Variants in CEP112 observed in about 807,000 individuals in gnomAD.
CEP112 encodes the protein centrosomal protein of 112 kDa.
CEP112 carries 127 observed loss-of-function variants against 153.0 expected under a neutral mutation model. The ratio of observed to expected loss-of-function variants is 0.83; its 90% CI spans 0.72 to 0.96. The LOEUF (loss-of-function observed/expected upper bound fraction) is 0.96. CEP112 is among the 40% of genes least tolerant of loss of function. The probability of loss-of-function intolerance (pLI) is 0.00; values close to 1 mark genes in which losing one functional copy is unlikely to be tolerated. For missense variants in CEP112, 1,089 were observed against 1,101.2 expected (o/e 0.99, Z 0.16); for synonymous variants, 358 against 374.4 (o/e 0.96, Z 0.51).
chr17:66,072,313 C>A (rs915806483), intron 8 of CEP112, among the ~76,000 whole-genome samples: 1 of 152,112 alleles, frequency 6.6e-6, no homozygotes, highest in South Asian at 2.1e-4. Context: ...TTATCTACTG[C>A]ACAGTTTATA....
At chr17:65,708,037 G>A (rs1407859419) in intron 23 of CEP112, among the ~76,000 whole-genome samples, 2 of 152,158 alleles carry the variant, frequency 1.3e-5, no homozygotes, top group African/African-American at 4.8e-5. Flanking sequence ...AATGAATCAT[G>A]CCTGTAACTA....
intron 6 of CEP112, among the ~76,000 whole-genome samples, chr17:66,101,151 A>G (rs2068553454): frequency 6.6e-6 from 1 of 152,134 alleles, no homozygotes; most frequent in Non-Finnish European, 1.5e-5. Context: ...ACCCTCAGTC[A>G]AAAAGATTAG....
chr17:66,187,151 TTGAACTACTGTGGCA>T (rs2072968327), intron 1 of CEP112, among the ~76,000 whole-genome samples: 1 of 150,960 alleles, frequency 6.6e-6, no homozygotes, highest in Non-Finnish European at 1.5e-5. Context: ...ACCACTTAAC[TTGAACTACTGTGGCA>T]GCCTCATCAT....
At chr17:66,114,238 A>G (rs1221226075) in intron 6 of CEP112, among the ~76,000 whole-genome samples, 1 of 152,198 alleles carries the variant, frequency 6.6e-6, no homozygotes, top group Non-Finnish European at 1.5e-5. Flanking sequence ...ACATCTGAAT[A>G]CTTTTTAATG....
intron 17 of CEP112, among the ~76,000 whole-genome samples, chr17:66,000,153 T>C (rs12953275): frequency 0.41 from 62,293 of 151,680 alleles, 14,246 homozygotes; most frequent in East Asian, 0.87. Flanking sequence ...TGCCACACTG[T>C]CTTCCAATGG....
chr17:66,166,008 A>G (rs1251963183), intron 4 of CEP112, among the ~76,000 whole-genome samples: 1 of 152,188 alleles, frequency 6.6e-6, no homozygotes, highest in African/African-American at 2.4e-5. Context: ...AAAATAGGAT[A>G]ATTATTCTCC....
intron 18 of CEP112, among the ~76,000 whole-genome samples, chr17:65,945,380 T>C (rs973655642): frequency 1.3e-5 from 2 of 152,212 alleles, no homozygotes; most frequent in Non-Finnish European, 2.9e-5. Context: ...TACATACATA[T>C]TTCAGTAGGG....
intron 17 of CEP112, among the ~76,000 whole-genome samples, chr17:65,979,545 G>A (rs578221971): frequency 6.6e-6 from 1 of 152,050 alleles, no homozygotes. Flanking sequence ...CTGGCCTTAG[G>A]CTCTTTCTAA....
chr17:66,013,389 TTTTTG>T (rs1209641185), intron 16 of CEP112, among the ~76,000 whole-genome samples: 5 of 151,836 alleles, frequency 3.3e-5, no homozygotes, highest in Non-Finnish European at 7.4e-5. Flanking sequence ...GATGGTGGGG[TTTTTG>T]TTTTGTTTTG....
At chr17:66,180,691 T>C (rs1169435873) in intron 2 of CEP112, among the ~76,000 whole-genome samples, 2 of 152,182 alleles carry the variant, frequency 1.3e-5, no homozygotes, top group African/African-American at 2.4e-5. Flanking sequence ...GTCTATATTA[T>C]CTTGCCATGA....
At chr17:65,876,250 C>T (rs949044146) in intron 20 of CEP112, among the ~76,000 whole-genome samples, 3 of 152,158 alleles carry the variant, frequency 2.0e-5, no homozygotes, top group African/African-American at 4.8e-5. Context: ...ATCCATACAA[C>T]CTCCAAAGAA....
chr17:66,145,351 A>T (rs2070876640), intron 4 of CEP112, among the ~76,000 whole-genome samples: 1 of 152,108 alleles, frequency 6.6e-6, no homozygotes, highest in Non-Finnish European at 1.5e-5. Context: ...GTAATTTTCC[A>T]AATGGTGCCT....
At chr17:65,911,581 C>T (rs1035005756) in intron 19 of CEP112, among the ~76,000 whole-genome samples, 2 of 152,216 alleles carry the variant, frequency 1.3e-5, no homozygotes, top group East Asian at 1.9e-4. Flanking sequence ...GTTATCTCAA[C>T]ACTTTGGGAG....
chr17:66,050,954 G>C lies in CEP112; in HGVS notation c.1218+2782C>G, dbSNP rs117079610. Among the ~76,000 whole-genome samples the C allele has an allele frequency of 9.5e-3, 1,447 of 152,130 alleles. 16 individuals carry two copies. The highest frequency in any genetic ancestry group is 0.016 in the Non-Finnish European group (1,105 of 67,972). Reference sequence around the variant, plus strand: ...ATTATTTCCATGGAAGGGAATGGAGGCCCAAACAATTTTCCACTCTTCATC... The same window carrying C: ...ATTATTTCCATGGAAGGGAATGGAGCCCCAAACAATTTTCCACTCTTCATC... On this transcript the variant is annotated intron_variant, in intron 12 of 26. Coordinates refer to ENST00000535342, the MANE Select transcript of CEP112 (RefSeq NM_001199165.4).
intron 4 of CEP112, among the ~76,000 whole-genome samples, chr17:66,155,833 A>G (rs1598455759): frequency 6.6e-6 from 1 of 152,330 alleles, no homozygotes; most frequent in East Asian, 1.9e-4. Context: ...GCCTCTCTAG[A>G]TTCCTCCTCT....
intron 4 of CEP112, among the ~76,000 whole-genome samples, chr17:66,164,550 C>G (rs1314386480): frequency 2.5e-5 from 2 of 81,504 alleles, no homozygotes; most frequent in African/African-American, 1.1e-4. Context: ...GTGCGAAACT[C>G]TATCTCAAAA....
chr17:65,971,251 A>G (rs891613613), intron 17 of CEP112, among the ~76,000 whole-genome samples: 1 of 152,186 alleles, frequency 6.6e-6, no homozygotes, highest in African/African-American at 2.4e-5. Context: ...CATGCACATC[A>G]AATGCGTACT....
At chr17:65,945,040 T>C (rs936817568) in intron 18 of CEP112, among the ~76,000 whole-genome samples, 1 of 152,238 alleles carries the variant, frequency 6.6e-6, no homozygotes, top group African/African-American at 2.4e-5. Flanking sequence ...CAATAAATTG[T>C]ATCTCAGAAG....
At chr17:65,845,892 A>G (rs1184591394) in intron 21 of CEP112, among the ~76,000 whole-genome samples, 2 of 152,212 alleles carry the variant, frequency 1.3e-5, no homozygotes, top group African/African-American at 2.4e-5. Context: ...TCTTAACTCA[A>G]AATCATTGAA....
Sources: allele counts gnomAD v4.1 joint callset (sites outside exome capture counted in the v4.1 genomes callset), GRCh38; gene constraint gnomAD v4.1.1; transcripts MANE v1.5; gene names NCBI Gene and HGNC (gene_info 2026-07-23, HGNC 2026-07-21).